The following TSACC variants were observed in gnomAD, a reference collection of about 807,000 sequenced individuals.
The protein encoded by TSACC is TSSK6-activating co-chaperone protein.
Under a neutral mutation model 6.9 loss-of-function variants are expected in TSACC, and 3 were observed. The ratio of observed to expected loss-of-function variants is 0.43; its 90% CI spans 0.20 to 1.12. TSACC has a LOEUF of 1.12. Among genes scored for constraint, TSACC ranks in the 50% most tolerant of loss-of-function variants. TSACC has a pLI of 0.28. For synonymous variants in TSACC, 54 were observed against 55.1 expected, an observed-to-expected ratio of 0.98 and a Z score of 0.09; for missense variants, 137 against 143.9, an observed-to-expected ratio of 0.95 and a Z score of 0.24.
intron 2 of TSACC, among the ~76,000 whole-genome samples, chr1:156,340,911 C>T (rs772832550): frequency 1.4e-4 from 22 of 152,298 alleles, no homozygotes; most frequent in Non-Finnish European, 2.5e-4. Context: ...ATCACTGCCA[C>T]CTCTGTCTCC....
At chr1:156,340,984 C>G (rs930292731) in intron 2 of TSACC, among the ~76,000 whole-genome samples, 5 of 152,096 alleles carry the variant, frequency 3.3e-5, no homozygotes, top group African/African-American at 4.8e-5. Flanking sequence ...TGTATGCCAC[C>G]ACGCCTGGCT....
chr1:156,337,923 G>A, upstream of TSACC: 2 of 568,352 alleles, frequency 3.5e-6, no homozygotes, highest in East Asian at 2.9e-5. Flanking sequence ...CCCAAGACGA[G>A]CACACGTCAA....
chr1:156,346,672 G>A, intron 3 of TSACC, 96 bp from the exon 4 acceptor site: 4 of 1,226,140 alleles, frequency 3.3e-6, no homozygotes, highest in Non-Finnish European at 4.7e-6. Flanking sequence ...TGGAAAGATT[G>A]GAGAGGTCAT....
chr1:156,341,921 G>T (rs1433907897), intron 2 of TSACC, among the ~76,000 whole-genome samples: 2 of 151,982 alleles, frequency 1.3e-5, no homozygotes, highest in Non-Finnish European at 1.5e-5. Flanking sequence ...AATTAGCCGG[G>T]CATTGTAGTG....
chr1:156,344,726 GT>G lies in TSACC; in HGVS notation c.163+22del. The G allele has an allele frequency of 6.2e-7, 1 of 1,612,476 alleles. No individual in the cohort carries two copies. The highest frequency in any genetic ancestry group is 1.1e-5 in the South Asian group (1 of 90,770). On this transcript the variant is annotated intron_variant, in intron 3 of 3. Transcript: ENST00000368254. The stretch of plus-strand genomic sequence containing the variant: ...GCCCTCGGGTAAGGATGTAGGGAGG[GT>G]TTTCTAATGGACTCAACAGGGGGAA...
At chr1:156,341,042 C>A (rs577534037) in intron 2 of TSACC, among the ~76,000 whole-genome samples, 1 of 152,234 alleles carries the variant, frequency 6.6e-6, no homozygotes, top group East Asian at 1.9e-4. Flanking sequence ...GTCTTGAACT[C>A]CTGGCCTCAA....
chr1:156,345,875 AAAAG>A (rs1314667265), intron 3 of TSACC, among the ~76,000 whole-genome samples: 137 of 151,514 alleles, frequency 9.0e-4, no homozygotes, highest in African/African-American at 2.7e-3. Flanking sequence ...GAAAAAAAAA[AAAAG>A]AAAAAAGAAA....
At chr1:156,339,889 A>T in intron 2 of TSACC, 98 bp downstream of exon 2, 21 of 1,300,788 alleles carry the variant, frequency 1.6e-5, no homozygotes, top group Non-Finnish European at 2.2e-5. Context: ...AGCACCTAGA[A>T]CTGGATCTGT....
At chr1:156,340,563 G>C (rs1007508449) in intron 2 of TSACC, among the ~76,000 whole-genome samples, 9 of 148,398 alleles carry the variant, frequency 6.1e-5, no homozygotes, top group African/African-American at 2.2e-4. Flanking sequence ...CCGGGTTCAA[G>C]CAATTCTCCT....
intron 3 of TSACC, among the ~76,000 whole-genome samples, chr1:156,346,149 G>A (rs1478101319): frequency 2.8e-5 from 4 of 144,648 alleles, no homozygotes; most frequent in Admixed American, 2.1e-4. Flanking sequence ...AGCTGAGATC[G>A]TACCATTGTA....
chr1:156,346,456 C>T (rs1442577753), intron 3 of TSACC, among the ~76,000 whole-genome samples: 3 of 152,062 alleles, frequency 2.0e-5, no homozygotes, highest in Non-Finnish European at 2.9e-5. Context: ...CCTTGCCTTC[C>T]TGGAGCTTAC....
Position 156,346,952 on chromosome 1 carries a change from G to T in TSACC, c.348G>T (p.Leu116Phe). The stretch of plus-strand genomic sequence containing the variant: ...TCCCAGCCTTATCTCCTAATCCATT[G>T]TTAAATCACCTGCCCCAATTCAGTA... ...SSLPALSPNPLLNHLPQFSK is the reference protein window; with the variant it reads ...SSLPALSPNPFLNHLPQFSK Residue 116 changes from leucine (L) to phenylalanine (F), a missense_variant, in exon 4 of 4, where the codon TTG becomes TTT. Coordinates refer to ENST00000368254, the MANE Select transcript of TSACC (RefSeq NM_001304817.2). 1.2e-6 allele frequency: 2 copies of T among 1,614,094 alleles called. No individual in the cohort carries two copies. The highest frequency in any genetic ancestry group is 1.3e-5 in the African/African-American group (1 of 75,022).
Position 156,344,654 on chromosome 1 carries a change from G to A in TSACC, c.109G>A (p.Ala37Thr). 1 of 1,614,022 alleles carries A rather than the reference G, an allele frequency of 6.2e-7. No homozygotes were observed. The highest frequency in any genetic ancestry group is 2.2e-5 in the East Asian group (1 of 44,880). ...KPSPSYINLQ[A>T]SSPPATFLNI... Reference sequence around the variant, plus strand: ...CTCCCCCAGCTATATTAATCTTCAAGCAAGTTCCCCACCAGCCACTTTTCT... The same window carrying A: ...CTCCCCCAGCTATATTAATCTTCAAACAAGTTCCCCACCAGCCACTTTTCT... Residue 37 changes from alanine (A) to threonine (T), a missense_variant, in exon 3 of 4, where the codon GCA becomes ACA. Transcript: ENST00000368254.
chr1:156,338,421 G>C (rs1265376368), upstream of TSACC: 3 of 580,976 alleles, frequency 5.2e-6, no homozygotes, highest in African/African-American at 5.6e-5. Flanking sequence ...GTTAGACAGA[G>C]AGCGCACGAC....
rs376653739 is a variant in TSACC, at chr1:156,344,678, C to G, written c.133C>G (p.Leu45Val). 2.9e-5 allele frequency: 47 copies of G among 1,614,102 alleles called. No homozygotes were observed. In the South Asian group the frequency reaches 4.8e-4, roughly 17 times the overall value. The change falls in exon 3 of 4, where the codon CTG (leucine) becomes GTG (valine). Residue 45 changes from leucine (L) to valine (V), a missense_variant. By Grantham distance (32) the Leu-to-Val change is conservative (BLOSUM62 1). Transcript: ENST00000368254. ...AGCAAGTTCCCCACCAGCCACTTTTCTGAACATCCAGACAACAAAGCTGCC... is the reference window on the plus strand; with the variant it reads ...AGCAAGTTCCCCACCAGCCACTTTTGTGAACATCCAGACAACAAAGCTGCC... ...LQASSPPATF[L>V]NIQTTKLPSV...
At chr1:156,346,048 G>A (rs1227417568) in intron 3 of TSACC, among the ~76,000 whole-genome samples, 1 of 151,550 alleles carries the variant, frequency 6.6e-6, no homozygotes, top group African/African-American at 2.4e-5. Context: ...ACAAAACTTA[G>A]CCAGGCATGG....
intron 2 of TSACC, 47 bp from the exon 3 acceptor site, chr1:156,344,533 G>A (rs764603464): frequency 6.2e-7 from 1 of 1,600,594 alleles, no homozygotes. Context: ...AATTAGAAAG[G>A]CTGTCCCTTG....
chr1:156,343,886 G>A (rs780254028), intron 2 of TSACC, among the ~76,000 whole-genome samples: 13 of 151,922 alleles, frequency 8.6e-5, no homozygotes, highest in Non-Finnish European at 1.6e-4. Context: ...GACTACAAGC[G>A]TCTGCCACCA....
chr1:156,343,841 A>G (rs1050950041), intron 2 of TSACC, among the ~76,000 whole-genome samples: 16 of 152,014 alleles, frequency 1.1e-4, no homozygotes, highest in Admixed American at 2.0e-4. Context: ...CCCGGGTTCA[A>G]GTGATTATCC....
Sources: allele counts gnomAD v4.1 joint callset (sites outside exome capture counted in the v4.1 genomes callset), GRCh38; gene constraint gnomAD v4.1.1; transcripts MANE v1.5; gene names NCBI Gene and HGNC (gene_info 2026-07-23, HGNC 2026-07-21).